Variants in SPRY3 observed in about 807,000 individuals in gnomAD.
SPRY3 encodes sprouty RTK signaling antagonist 3, also known as protein sprouty homolog 3.
In SPRY3, 15 loss-of-function variants were observed where a neutral mutation model predicts 20.2. The observed-to-expected ratio is 0.74, with a 90% CI of 0.50 to 1.14. The LOEUF (loss-of-function observed/expected upper bound fraction) is 1.14, where lower values mean the gene tolerates loss of function less well. Among genes scored for constraint, SPRY3 ranks in the 50% most tolerant of loss-of-function variants. The pLI is 0.00. For missense variants in SPRY3, 364 were observed against 363.9 expected (o/e 1.00, Z 0.00); for synonymous variants, 143 against 136.5 (o/e 1.05, Z -0.33).
At chrX:155,706,595 C>T (rs892307138) in intron 2 of SPRY3, among the ~76,000 whole-genome samples, 24 of 148,632 alleles carry the variant, frequency 1.6e-4, no homozygotes, top group Non-Finnish European at 2.6e-4. Flanking sequence ...AGACCTTTAG[C>T]CAGAATGATC....
chrX:155,773,906 T>C, exon 4 of SPRY3: 2 of 1,613,862 alleles, frequency 1.2e-6, no homozygotes, highest in Non-Finnish European at 1.7e-6. Flanking sequence ...TTTCAACAAA[T>C]TCTGCCTATT....
intron 2 of SPRY3, among the ~76,000 whole-genome samples, chrX:155,707,890 G>C (rs1180489129): frequency 6.6e-6 from 1 of 150,950 alleles, no homozygotes; most frequent in Non-Finnish European, 1.5e-5. Context: ...CTTTTGATTA[G>C]AGTATATTAT....
intron 2 of SPRY3, among the ~76,000 whole-genome samples, chrX:155,737,999 A>C (rs990124478): frequency 1.3e-4 from 20 of 152,142 alleles, no homozygotes; most frequent in Non-Finnish European, 2.4e-4. Flanking sequence ...CTCACCTTTA[A>C]AAAATAATTA....
At chrX:155,717,588 G>A (rs2036103353) in intron 2 of SPRY3, among the ~76,000 whole-genome samples, 1 of 151,638 alleles carries the variant, frequency 6.6e-6, no homozygotes, top group Non-Finnish European at 1.5e-5. Flanking sequence ...CCCGGTGTGT[G>A]ATCTTCCCCT....
intron 1 of SPRY3, among the ~76,000 whole-genome samples, chrX:155,638,239 G>A (rs1444298276): frequency 2.1e-5 from 2 of 93,621 alleles, no homozygotes; most frequent in East Asian, 6.5e-4. Flanking sequence ...AGGATTGCTT[G>A]AGCCCAGATG....
At chrX:155,728,155 C>T (rs759880756) in intron 2 of SPRY3, among the ~76,000 whole-genome samples, 6 of 152,290 alleles carry the variant, frequency 3.9e-5, no homozygotes, top group Admixed American at 1.3e-4. Flanking sequence ...TGCAGAACAG[C>T]AGATCTTGCT....
At chrX:155,700,574 C>A (rs1375029507) in intron 2 of SPRY3, among the ~76,000 whole-genome samples, 3 of 96,561 alleles carry the variant, frequency 3.1e-5, no homozygotes, top group African/African-American at 1.3e-4. Flanking sequence ...GTGGCATATA[C>A]ACACAATGGA....
chrX:155,747,785 C>T lies in SPRY3; in HGVS notation c.-281-20177C>T, dbSNP rs769734128. On this transcript the variant is annotated intron_variant, in intron 2 of 3. Transcript: ENST00000675360. ...GGAAACTATGCCACCTGACCAAAAA[C>T]GTTATTGAGACACTCTAGAGCAGTG... Among the ~76,000 whole-genome samples, 6 of 151,910 alleles carry T rather than the reference C, an allele frequency of 3.9e-5. No individual in the cohort carries two copies. In the South Asian group the frequency reaches 6.2e-4, roughly 16 times the overall value.
downstream of SPRY3, chrX:155,779,202 TATGTACCTTGGCATTTC>T (rs904897627): frequency 9.6e-5 from 16 of 167,062 alleles, no homozygotes; most frequent in Non-Finnish European, 2.2e-4. Flanking sequence ...GGCACTTAAA[TATGTACCTTGGCATTTC>T]ATGCTTCAGC....
intron 2 of SPRY3, among the ~76,000 whole-genome samples, chrX:155,765,475 C>T (rs2091321993): frequency 6.6e-6 from 1 of 152,136 alleles, no homozygotes; most frequent in African/African-American, 2.4e-5. Context: ...ATTCATAGAA[C>T]AGCACCTGGC....
intron 2 of SPRY3, among the ~76,000 whole-genome samples, chrX:155,715,877 C>T (rs2091018869): frequency 6.6e-6 from 1 of 152,182 alleles, no homozygotes; most frequent in Admixed American, 6.5e-5. Context: ...CCCCCAGTCG[C>T]TGTGCTTGCC....
intron 3 of SPRY3, among the ~76,000 whole-genome samples, chrX:155,772,283 G>A (rs2091385642): frequency 6.6e-6 from 1 of 152,272 alleles, no homozygotes; most frequent in African/African-American, 2.4e-5. Flanking sequence ...AGTCAACTGA[G>A]TCTGGTCATA....
chrX:155,733,400 A>G (rs1190796188), intron 2 of SPRY3, among the ~76,000 whole-genome samples: 1 of 151,044 alleles, frequency 6.6e-6, no homozygotes, highest in Non-Finnish European at 1.5e-5. Context: ...ATACATATAC[A>G]TATATATGCT....
At chrX:155,762,278 T>C (rs1345162698) in intron 2 of SPRY3, among the ~76,000 whole-genome samples, 1 of 152,160 alleles carries the variant, frequency 6.6e-6, no homozygotes, top group Non-Finnish European at 1.5e-5. Context: ...GAAGGGGTCA[T>C]ATATGAATCT....
chrX:155,710,513 A>G (rs2124541548), intron 2 of SPRY3, among the ~76,000 whole-genome samples: 1 of 151,748 alleles, frequency 6.6e-6, no homozygotes, highest in Non-Finnish European at 1.5e-5. Context: ...TTGATTTTGT[A>G]TCCTGCAATG....
chrX:155,767,026 A>G lies in SPRY3; in HGVS notation c.-281-936A>G, dbSNP rs770719816. Among the ~76,000 whole-genome samples the G allele has an allele frequency of 4.0e-3, 612 of 152,220 alleles. 5 individuals carry two copies. The highest frequency in any genetic ancestry group is 0.014 in the African/African-American group (582 of 41,530). ...ATTGGTAGAAATGTGATTGGCAAAGATATTTAAATGAGACCTCCTTAAAAT... is the reference window on the plus strand; with the variant it reads ...ATTGGTAGAAATGTGATTGGCAAAGGTATTTAAATGAGACCTCCTTAAAAT... On this transcript the variant is annotated intron_variant, in intron 2 of 3. Coordinates refer to ENST00000675360, the Ensembl canonical transcript of SPRY3.
At chrX:155,766,786 A>G (rs1309232265) in intron 2 of SPRY3, among the ~76,000 whole-genome samples, 1 of 152,158 alleles carries the variant, frequency 6.6e-6, no homozygotes, top group African/African-American at 2.4e-5. Flanking sequence ...GGAATCCACA[A>G]CACCTAGCAC....
intron 2 of SPRY3, among the ~76,000 whole-genome samples, chrX:155,734,993 T>A (rs521132): frequency 0.59 from 89,787 of 151,526 alleles, 27,652 homozygotes; most frequent in African/African-American, 0.89. Context: ...TAAATGCTAT[T>A]AATAGCCTTC....
intron 1 of SPRY3, among the ~76,000 whole-genome samples, chrX:155,644,421 T>C (rs782641261): frequency 9.0e-6 from 1 of 110,552 alleles, no homozygotes; most frequent in East Asian, 2.9e-4. Flanking sequence ...TGTTTTTCCT[T>C]TCAGGGCAGT....
Sources: gnomAD v4.1 joint callset for allele counts (sites outside exome capture counted in the v4.1 genomes callset) on GRCh38, gnomAD v4.1.1 for gene constraint, MANE v1.5 for transcripts, NCBI Gene and HGNC (gene_info 2026-07-23, HGNC 2026-07-21) for gene names.